ZDHHC21: variants seen among roughly 807,000 people sequenced by gnomAD.
ZDHHC21 encodes the protein palmitoyltransferase ZDHHC21.
In ZDHHC21, 15 loss-of-function variants were observed where a neutral mutation model predicts 34.6. The observed-to-expected ratio is 0.43, with a 90% CI of 0.29 to 0.67. ZDHHC21 has a LOEUF of 0.67. Among genes scored for constraint, ZDHHC21 ranks in the 30% least tolerant of loss-of-function variants. The pLI is 0.14. For synonymous variants in ZDHHC21, 142 were observed against 101.8 expected, an observed-to-expected ratio of 1.40 and a Z score of -2.38; for missense variants, 344 against 327.7, an observed-to-expected ratio of 1.05 and a Z score of -0.38.
downstream of ZDHHC21, among the ~76,000 whole-genome samples, chr9:14,608,530 G>A (rs190829871): frequency 1.3e-5 from 2 of 152,200 alleles, no homozygotes; most frequent in Admixed American, 6.5e-5. Flanking sequence ...TTTTTATTGT[G>A]TTTGATCTTT....
At chr9:14,608,886 A>C (rs569349429), downstream of ZDHHC21, among the ~76,000 whole-genome samples, 14 of 152,236 alleles carry the variant, frequency 9.2e-5, no homozygotes, top group East Asian at 2.7e-3. Context: ...ACAATCACGT[A>C]TTTTTAGTTT....
chr9:14,660,372 C>CAAAAAAAAAA (rs374162221), intron 6 of ZDHHC21, among the ~76,000 whole-genome samples: 5 of 58,792 alleles, frequency 8.5e-5, no homozygotes, highest in Non-Finnish European at 8.5e-5. Flanking sequence ...GACTCCATCT[C>CAAAAAAAAAA]AAAAAAAAAA....
At chr9:14,624,366 A>G (rs2133486592) in intron 8 of ZDHHC21, among the ~76,000 whole-genome samples, 1 of 152,258 alleles carries the variant, frequency 6.6e-6, no homozygotes, top group African/African-American at 2.4e-5. Flanking sequence ...TCAGTATGTC[A>G]GAGTCCCATG....
rs1389421211 is a variant in ZDHHC21 at position 14,614,711 on chromosome 9, A to C, written c.*4255T>G. 1 of 151,760 alleles carries C rather than the reference A, an allele frequency of 6.6e-6. No homozygotes were observed. Among genetic ancestry groups the C allele is most frequent in the Non-Finnish European group, 1.5e-5 (1 of 67,726 alleles). The allele number at this position is 151,760 out of a possible 1,614,324, so 9.4% of individuals were successfully genotyped here. On this transcript the variant is annotated 3_prime_UTR_variant, in exon 10 of 10. Transcript: ENST00000380916. ...AACACATTCATTAATCATACAGTTAATACTAGCAAGTAGAACACATTAAAT... is the reference window on the plus strand; with the variant it reads ...AACACATTCATTAATCATACAGTTACTACTAGCAAGTAGAACACATTAAAT...
At chr9:14,654,060 T>C (rs1233605296) in intron 7 of ZDHHC21, among the ~76,000 whole-genome samples, 1 of 151,960 alleles carries the variant, frequency 6.6e-6, no homozygotes, top group Admixed American at 6.6e-5. Context: ...CATTCAGTAC[T>C]GAATGAAAAG....
At chr9:14,685,636 G>A (rs528610533) in intron 2 of ZDHHC21, among the ~76,000 whole-genome samples, 1 of 152,340 alleles carries the variant, frequency 6.6e-6, no homozygotes, top group South Asian at 2.1e-4. Flanking sequence ...CATTGTGGAA[G>A]ACAGTGTGGC....
intron 7 of ZDHHC21, among the ~76,000 whole-genome samples, chr9:14,656,416 TG>T (rs931443789): frequency 6.6e-6 from 1 of 151,950 alleles, no homozygotes; most frequent in Non-Finnish European, 1.5e-5. Flanking sequence ...ATACCTAACT[TG>T]ATAATATGTA....
chr9:14,624,035 T>G (rs1825782742), intron 8 of ZDHHC21, among the ~76,000 whole-genome samples: 1 of 152,116 alleles, frequency 6.6e-6, no homozygotes, highest in Admixed American at 6.6e-5. Context: ...GCCCTCCATA[T>G]TTGTGGGTTC....
the ZDHHC21 span, chr9:14,593,677 T>C: frequency 6.6e-6 from 1 of 152,294 alleles, no homozygotes; most frequent in African/African-American, 2.4e-5. Flanking sequence ...TAATCTTCAA[T>C]GACAGTCACT....
At position 14,618,071 on chromosome 9, in the gene ZDHHC21, T is replaced by C. The variant is rs901353083; in HGVS notation, c.*895A>G. On this transcript the variant is annotated 3_prime_UTR_variant, in exon 10 of 10. Transcript: ENST00000380916. ...CTGTACATTATATACTATCTAGTTA[T>C]ACTAGCATTTTAAAAACATATGCAT... 2 of 152,646 alleles carry C rather than the reference T, an allele frequency of 1.3e-5. No individual in the cohort carries two copies. Among genetic ancestry groups the C allele is most frequent in the South Asian group, 2.1e-4 (1 of 4,826 alleles). 9.5% of individuals were successfully genotyped at this position (152,646 alleles called of 1,614,324 possible).
rs560115501 is a variant in ZDHHC21, at chr9:14,678,158, G to A, written c.-46+1875C>T. ...CACTCTCCATTTGAAATTTTTCCTGGCACTTCAGTTCACAATGATTTATCT... is the reference window on the plus strand; with the variant it reads ...CACTCTCCATTTGAAATTTTTCCTGACACTTCAGTTCACAATGATTTATCT... On this transcript the variant is annotated intron_variant, in intron 3 of 9. Coordinates refer to ENST00000380916, the MANE Select transcript of ZDHHC21 (RefSeq NM_178566.6). Among the ~76,000 whole-genome samples the A allele has an allele frequency of 3.9e-5, 6 of 152,000 alleles. No homozygotes were observed. In the South Asian group the frequency reaches 1.2e-3, roughly 32 times the overall value.
chr9:14,605,423 A>C, the ZDHHC21 span, among the ~76,000 whole-genome samples: 2 of 152,088 alleles, frequency 1.3e-5, no homozygotes, highest in African/African-American at 4.8e-5. Context: ...GTAATTTTGC[A>C]TCTCTCTATT....
Position 14,643,398 on chromosome 9 carries a change from CCTT to C in ZDHHC21, c.505-3389_505-3387del, listed in dbSNP as rs1829747243. 1.3e-5 allele frequency among the ~76,000 whole-genome samples: 2 copies of C among 152,154 alleles called. 1 individual carries two copies. Among genetic ancestry groups the C allele is most frequent in the South Asian group, 4.1e-4 (2 of 4,826 alleles). ...ACCCTAAAGGTAAAGGTTACTAACTCCTTCTTCATACATTTTGGATATTGCTAT... is the reference window on the plus strand; with the variant it reads ...ACCCTAAAGGTAAAGGTTACTAACTCCTTCATACATTTTGGATATTGCTAT... On this transcript the variant is annotated intron_variant, in intron 7 of 9. Transcript: ENST00000380916.
At chr9:14,652,737 C>A (rs904811456) in intron 7 of ZDHHC21, among the ~76,000 whole-genome samples, 1 of 151,902 alleles carries the variant, frequency 6.6e-6, no homozygotes, top group African/African-American at 2.4e-5. Context: ...ATACAACGTA[C>A]CAGTTTTCTA....
intron 8 of ZDHHC21, among the ~76,000 whole-genome samples, chr9:14,626,181 C>A (rs1000371014): frequency 6.6e-6 from 1 of 151,864 alleles, no homozygotes; most frequent in Non-Finnish European, 1.5e-5. Context: ...ATTTAACATG[C>A]CCCTTTGGCT....
Position 14,658,769 on chromosome 9 carries a change from G to C in ZDHHC21, c.484C>G (p.Pro162Ala). 1 of 1,613,406 alleles carries C rather than the reference G, an allele frequency of 6.2e-7. No individual in the cohort carries two copies. The highest frequency in any genetic ancestry group is 8.5e-7 in the Non-Finnish European group (1 of 1,179,808). The change falls in exon 7 of 10, where the codon CCA (proline) becomes GCA (alanine). Residue 162 changes from proline to alanine, a missense_variant. Pro to Ala is a conservative substitution (Grantham distance 27). Coordinates refer to ENST00000380916, the MANE Select transcript of ZDHHC21 (RefSeq NM_178566.6). ...FSFCHYYYFL[P>A]LKKRNLDLFV... ...CTTACCAAATTACGCTTTTTTAGTG[G>C]AAGAAAATAGTAATAGTGGCAGAAA...
At chr9:14,624,359 G>C (rs1302017712) in intron 8 of ZDHHC21, among the ~76,000 whole-genome samples, 2 of 152,014 alleles carry the variant, frequency 1.3e-5, no homozygotes, top group East Asian at 3.9e-4. Context: ...AATAAAATCA[G>C]TATGTCAGAG....
At chr9:14,632,874 C>G (rs900567459) in intron 8 of ZDHHC21, among the ~76,000 whole-genome samples, 1 of 152,072 alleles carries the variant, frequency 6.6e-6, no homozygotes, top group African/African-American at 2.4e-5. Flanking sequence ...CAAATTAAAA[C>G]TATGATGAGG....
In ZDHHC21 at chr9:14,611,648, G is replaced by A. The variant is rs1823319802; in HGVS notation, c.*7318C>T. ...ACTTGGGGTTCACACATAATTTTAG[G>A]AGCCTCAAGAATAACATAGATTTTG... On this transcript the variant is annotated 3_prime_UTR_variant, in exon 10 of 10. Transcript: ENST00000380916. The A allele has an allele frequency of 6.6e-6, 1 of 151,790 alleles. No homozygotes were observed. The highest frequency in any genetic ancestry group is 1.5e-5 in the Non-Finnish European group (1 of 67,920). 9.4% of individuals were successfully genotyped at this position (151,790 alleles called of 1,614,324 possible).
Sources: allele counts gnomAD v4.1 joint callset (sites outside exome capture counted in the v4.1 genomes callset), GRCh38; gene constraint gnomAD v4.1.1; transcripts MANE v1.5; gene names NCBI Gene and HGNC (gene_info 2026-07-23, HGNC 2026-07-21).